The following AGAP1 variants were observed in gnomAD, a reference collection of about 807,000 sequenced individuals.
The protein encoded by AGAP1 is arf-GAP with GTPase, ANK repeat and PH domain-containing protein 1.
A neutral mutation model predicts 105.3 loss-of-function variants in AGAP1; 29 were observed. The ratio of observed to expected loss-of-function variants is 0.28; its 90% CI spans 0.21 to 0.38. The LOEUF (loss-of-function observed/expected upper bound fraction) is 0.38. Among genes scored for constraint, AGAP1 ranks in the 10% least tolerant of loss-of-function variants. AGAP1 has a pLI of 1.00. For synonymous variants in AGAP1, 509 were observed against 485.9 expected (o/e 1.05, Z -0.63); for missense variants, 998 against 1,165.1 (o/e 0.86, Z 2.09).
At position 235,864,954 on chromosome 2, in the gene AGAP1, T is replaced by G. The variant is rs937872880; in HGVS notation, c.1051-18391T>G. ...TACATCTCGTCGGCATTACTCATCGTCAACATGGGTTTTTAAAAGGGAAGG... is the reference window on the plus strand; with the variant it reads ...TACATCTCGTCGGCATTACTCATCGGCAACATGGGTTTTTAAAAGGGAAGG... On this transcript the variant is annotated intron_variant, in intron 9 of 17. Coordinates refer to ENST00000304032, the MANE Select transcript of AGAP1 (RefSeq NM_001037131.3). This position sits in a 1 kb window ranked among gnomAD's most constrained non-coding sequence, Gnocchi z 5.0. Among the ~76,000 whole-genome samples the G allele has an allele frequency of 2.6e-5, 4 of 152,196 alleles. No homozygotes were observed. Among genetic ancestry groups the G allele is most frequent in the African/African-American group, 9.7e-5 (4 of 41,448 alleles).
chr2:235,948,246 G>A (rs1397025292), intron 12 of AGAP1, among the ~76,000 whole-genome samples: 2 of 152,174 alleles, frequency 1.3e-5, no homozygotes, highest in Non-Finnish European at 1.5e-5. Flanking sequence ...GCAGTGGCAC[G>A]ATCTCAGCTC....
intron 1 of AGAP1, among the ~76,000 whole-genome samples, chr2:235,594,649 G>A (rs769997810): frequency 6.6e-6 from 1 of 151,922 alleles, no homozygotes; most frequent in Admixed American, 6.6e-5. Context: ...ATCTCGGCTC[G>A]CTGCAACCTC....
rs58112190 is a variant in AGAP1, at chr2:235,993,809, T to C, written c.1645+25186T>C. ...CTGTTCCAGTCCTGGGGAGCACAGGTGTGTCCTCACGTGCGCTTGGAGAAA... is the reference window on the plus strand; with the variant it reads ...CTGTTCCAGTCCTGGGGAGCACAGGCGTGTCCTCACGTGCGCTTGGAGAAA... On this transcript the variant is annotated intron_variant, in intron 13 of 17. Transcript: ENST00000304032. The surrounding 1 kb of genome is among the most constrained non-coding windows in gnomAD (Gnocchi z 5.0). 0.085 allele frequency among the ~76,000 whole-genome samples: 12,904 copies of C among 151,958 alleles called. 1,804 individuals carry two copies. The highest frequency in any genetic ancestry group is 0.29 in the African/African-American group (12,176 of 41,410).
At chr2:235,590,845 C>T (rs1466634650) in intron 1 of AGAP1, among the ~76,000 whole-genome samples, 3 of 149,820 alleles carry the variant, frequency 2.0e-5, no homozygotes, top group South Asian at 2.1e-4. Context: ...CTCAGCCTCC[C>T]AAGTAGCTGG....
At chr2:236,033,160 G>T (rs924915723) in intron 13 of AGAP1, among the ~76,000 whole-genome samples, 1 of 152,132 alleles carries the variant, frequency 6.6e-6, no homozygotes, top group Non-Finnish European at 1.5e-5. Context: ...CAGGAGAATC[G>T]CTTGAACTTG....
At position 235,558,502 on chromosome 2, in the gene AGAP1, T is replaced by C. The variant is rs1478700555; in HGVS notation, c.163+63653T>C. On this transcript the variant is annotated intron_variant, in intron 1 of 17. Coordinates refer to ENST00000304032, the MANE Select transcript of AGAP1 (RefSeq NM_001037131.3). ...TACTCAGAGCTTTTCCAGAATGTTC[T>C]CATGTCTCCATCCACTTCCTTTCCC... is the stretch of plus-strand genomic sequence containing the variant. Among the ~76,000 whole-genome samples the C allele has an allele frequency of 4.3e-4, 65 of 152,210 alleles. 1 individual carries two copies. The highest frequency in any genetic ancestry group is 4.1e-3 in the Admixed American group (62 of 15,288).
intron 6 of AGAP1, among the ~76,000 whole-genome samples, chr2:235,758,265 T>C (rs1396123768): frequency 6.6e-6 from 1 of 152,220 alleles, no homozygotes; most frequent in African/African-American, 2.4e-5. Flanking sequence ...AAAAGGTGGA[T>C]TAATGGGTCA....
At position 235,983,505 on chromosome 2, in the gene AGAP1, T is replaced by C. The variant is rs1473402314; in HGVS notation, c.1645+14882T>C. 1.3e-5 allele frequency among the ~76,000 whole-genome samples: 2 copies of C among 152,360 alleles called. No homozygotes were observed. The highest frequency in any genetic ancestry group is 2.9e-5 in the Non-Finnish European group (2 of 68,034). On this transcript the variant is annotated intron_variant, in intron 13 of 17. Coordinates refer to ENST00000304032, the MANE Select transcript of AGAP1 (RefSeq NM_001037131.3). The surrounding 1 kb of genome is among the most constrained non-coding windows in gnomAD (Gnocchi z 4.5). ...CCATCCATAACCTCATCATTGTCTT[T>C]TTCTCCCTTTCTTATTCTCTTTTTT...
At chr2:235,853,321 G>A (rs1326545367) in intron 9 of AGAP1, 4 of 683,334 alleles carry the variant, frequency 5.9e-6, no homozygotes, top group South Asian at 6.6e-5. Flanking sequence ...GTGAGGAATT[G>A]TTTTAGGAAC....
chr2:235,669,697 G>C (rs1338489898), intron 1 of AGAP1: 3 of 148,700 alleles, frequency 2.0e-5, no homozygotes, highest in Non-Finnish European at 4.5e-5. Context: ...GGAGCCCAGG[G>C]AGTGGCGGAG....
chr2:235,605,857 C>T (rs547154616), intron 1 of AGAP1, among the ~76,000 whole-genome samples: 5 of 152,306 alleles, frequency 3.3e-5, no homozygotes, highest in African/African-American at 9.6e-5. Flanking sequence ...GCCATGGCAA[C>T]GCAGGCATGC....
rs773234719 is a variant in AGAP1, at chr2:235,741,652, T to G, written c.396+604T>G. On this transcript the variant is annotated intron_variant, in intron 4 of 17. Coordinates refer to ENST00000304032, the MANE Select transcript of AGAP1 (RefSeq NM_001037131.3). The surrounding 1 kb of genome is among the most constrained non-coding windows in gnomAD (Gnocchi z 4.9). ...TCTTTTTTTGGTTTATTTAACCTGC[T>G]TTGTTTTACTTACAGCATAATTTAC... is the stretch of plus-strand genomic sequence containing the variant. Among the ~76,000 whole-genome samples, 7 of 152,216 alleles carry G rather than the reference T, an allele frequency of 4.6e-5. No individual in the cohort carries two copies. Among genetic ancestry groups the G allele is most frequent in the South Asian group, 2.1e-4 (1 of 4,834 alleles).
chr2:236,117,264 C>A (rs1473933790), intron 16 of AGAP1, among the ~76,000 whole-genome samples: 1 of 152,150 alleles, frequency 6.6e-6, no homozygotes, highest in Non-Finnish European at 1.5e-5. Context: ...CAACATCTAC[C>A]GTTTTTAGAT....
intron 5 of AGAP1, among the ~76,000 whole-genome samples, chr2:235,748,506 C>T (rs1424588677): frequency 6.6e-6 from 1 of 152,174 alleles, no homozygotes; most frequent in Non-Finnish European, 1.5e-5. Flanking sequence ...GGACGAGGTG[C>T]CCTTTGACCG....
chr2:235,630,903 G>A (rs1946808183), intron 1 of AGAP1, among the ~76,000 whole-genome samples: 1 of 152,206 alleles, frequency 6.6e-6, no homozygotes, highest in South Asian at 2.1e-4. Context: ...TCTGCATAAT[G>A]TATGAACACG....
intron 16 of AGAP1, among the ~76,000 whole-genome samples, chr2:236,102,397 G>C (rs1413910599): frequency 7.5e-6 from 1 of 133,698 alleles, no homozygotes; most frequent in Admixed American, 8.2e-5. Context: ...CAGCCTGGGC[G>C]ACAGAGCGAG....
At chr2:236,041,839 C>T (rs542353673) in intron 15 of AGAP1, among the ~76,000 whole-genome samples, 2 of 152,298 alleles carry the variant, frequency 1.3e-5, no homozygotes, top group South Asian at 4.1e-4. Context: ...CCATCGGGGG[C>T]ATGCGGCGGT....
rs551873790 is a variant in AGAP1 at position 235,789,387 on chromosome 2, A to T, written c.674-8372A>T. Among the ~76,000 whole-genome samples the T allele has an allele frequency of 3.3e-5, 5 of 152,366 alleles. No homozygotes were observed. The South Asian group carries it at 1.0e-3, about 32-fold the overall frequency. ...TTAAATCCCCCGATTAATAGGAGCA[A>T]TTAAACAATAGCTTCATTTCCAGCA... On this transcript the variant is annotated intron_variant, in intron 6 of 17. Transcript: ENST00000304032. The surrounding 1 kb of genome is among the most constrained non-coding windows in gnomAD (Gnocchi z 4.2).
intron 13 of AGAP1, among the ~76,000 whole-genome samples, chr2:236,011,009 T>G (rs2056492184): frequency 6.6e-6 from 1 of 152,150 alleles, no homozygotes; most frequent in African/African-American, 2.4e-5. Context: ...ATGGCGCCAC[T>G]GCACTCCAGC....
Sources: allele counts gnomAD v4.1 joint callset (sites outside exome capture counted in the v4.1 genomes callset), GRCh38; gene constraint gnomAD v4.1.1; non-coding constraint Gnocchi (gnomAD v3.1); transcripts MANE v1.5; gene names NCBI Gene and HGNC (gene_info 2026-07-23, HGNC 2026-07-21).